CDH2: variants seen among roughly 807,000 people sequenced by gnomAD.
CDH2 encodes the protein cadherin-2.
In CDH2, 17 loss-of-function variants were observed where a neutral mutation model predicts 92.0. The observed-to-expected ratio is 0.18, with a 90% CI of 0.13 to 0.28. The LOEUF is 0.28. CDH2 is among the 10% of genes least tolerant of loss of function. The pLI, the probability that CDH2 is intolerant of heterozygous loss-of-function variation, is 1.00. For missense variants in CDH2, 862 were observed against 1,133.1 expected (o/e 0.76, Z 3.44); for synonymous variants, 419 against 415.9 (o/e 1.01, Z -0.09).
chr18:27,979,062 T>C (rs946111103), intron 14 of CDH2, among the ~76,000 whole-genome samples: 33 of 151,840 alleles, frequency 2.2e-4, no homozygotes, highest in Non-Finnish European at 3.1e-4. Flanking sequence ...AAAGACCCAT[T>C]AAGAGAATAA....
chr18:28,066,283 A>C (rs1232934970), intron 2 of CDH2, among the ~76,000 whole-genome samples: 2 of 152,238 alleles, frequency 1.3e-5, no homozygotes, highest in Non-Finnish European at 2.9e-5. Context: ...AATTAATTAC[A>C]TATAAACTTC....
intron 14 of CDH2, among the ~76,000 whole-genome samples, chr18:27,980,040 G>C (rs986180794): frequency 2.0e-5 from 3 of 152,196 alleles, no homozygotes; most frequent in African/African-American, 7.2e-5. Context: ...CTAACTGAAT[G>C]AAAATATAGA....
chr18:28,024,467 A>G (rs1445773474), intron 2 of CDH2, among the ~76,000 whole-genome samples: 1 of 150,012 alleles, frequency 6.7e-6, no homozygotes, highest in Admixed American at 6.7e-5. Flanking sequence ...AAGTAAGTAT[A>G]TGTATTTAAA....
intron 2 of CDH2, among the ~76,000 whole-genome samples, chr18:28,014,372 T>G (rs1159962472): frequency 6.6e-6 from 1 of 152,174 alleles, no homozygotes; most frequent in Admixed American, 6.6e-5. Flanking sequence ...AGAGGCAGTT[T>G]GGGGCAAATG....
At chr18:28,160,343 G>A (rs995554366) in intron 1 of CDH2, among the ~76,000 whole-genome samples, 1 of 152,082 alleles carries the variant, frequency 6.6e-6, no homozygotes, top group Admixed American at 6.5e-5. Context: ...CAGGACTCTG[G>A]AAGTGCTGAG....
At position 27,951,944 on chromosome 18, in the gene CDH2, A is replaced by C. The variant is rs1909475936; in HGVS notation, c.*209T>G. On this transcript the variant is annotated 3_prime_UTR_variant, in exon 16 of 16. Transcript: ENST00000269141. Reference sequence around the variant, plus strand: ...AATCCCAGTGCTTCTGTACTGTAAAATTCAAGTGTAACTGAGCTCAGTGTT... The same window carrying C: ...AATCCCAGTGCTTCTGTACTGTAAACTTCAAGTGTAACTGAGCTCAGTGTT... 1.7e-6 allele frequency: 1 copy of C among 575,816 alleles called. No individual in the cohort carries two copies. Among genetic ancestry groups the C allele is most frequent in the Admixed American group, 3.0e-5 (1 of 33,298 alleles). 35.7% of individuals were successfully genotyped at this position (575,816 alleles called of 1,614,324 possible).
intron 1 of CDH2, among the ~76,000 whole-genome samples, chr18:28,168,223 A>G (rs922953588): frequency 6.6e-6 from 1 of 152,156 alleles, no homozygotes; most frequent in Non-Finnish European, 1.5e-5. Context: ...AGGTCAAGTT[A>G]CAAGTAAAAT....
intron 2 of CDH2, among the ~76,000 whole-genome samples, chr18:28,066,596 T>C (rs928700693): frequency 1.6e-4 from 25 of 152,152 alleles, no homozygotes; most frequent in African/African-American, 5.8e-4. Flanking sequence ...TTTTACTAAT[T>C]CTCTTTTTAG....
Position 27,988,590 on chromosome 18 carries a change from A to C in CDH2, c.1675T>G (p.Leu559Val). The change falls in exon 11 of 16, where the codon TTG becomes GTG. Residue 559 changes from leucine (L) to valine (V), a missense_variant. Physicochemically the swap from Leu to Val is conservative, Grantham distance 32. Transcript: ENST00000269141. ...VNGQITTIAV[L>V]DRESPNVKNN... The stretch of plus-strand genomic sequence containing the variant: ...TTCACATTTGGTGATTCTCGGTCCA[A>C]AACAGCAATTGTAGTTATTTGTCCA... 1 of 1,611,494 alleles carries C rather than the reference A, an allele frequency of 6.2e-7. No individual in the cohort carries two copies. The highest frequency in any genetic ancestry group is 1.1e-5 in the South Asian group (1 of 91,010).
At chr18:28,134,877 C>A (rs1421048686) in intron 2 of CDH2, among the ~76,000 whole-genome samples, 1 of 152,060 alleles carries the variant, frequency 6.6e-6, no homozygotes, top group Non-Finnish European at 1.5e-5. Context: ...ACTTTAAAAA[C>A]CCAGATAAGC....
Position 27,951,991 on chromosome 18 carries a change from T to G in CDH2, c.*162A>C. On this transcript the variant is annotated 3_prime_UTR_variant, in exon 16 of 16. Coordinates refer to ENST00000269141, the MANE Select transcript of CDH2 (RefSeq NM_001792.5). ...TGTTTTTCCAAACAGTATGGATCAC[T>G]GATATTCCCTCTGAGCCCAAATTGG... 1.6e-6 allele frequency: 1 copy of G among 638,584 alleles called. No homozygotes were observed. Among genetic ancestry groups the G allele is most frequent in the South Asian group, 1.8e-5 (1 of 54,406 alleles). The allele number at this position is 638,584 out of a possible 1,614,324, so 39.6% of individuals were successfully genotyped here.
chr18:28,004,916 T>G (rs1475313880), intron 6 of CDH2, among the ~76,000 whole-genome samples: 1 of 152,198 alleles, frequency 6.6e-6, no homozygotes, highest in African/African-American at 2.4e-5. Flanking sequence ...TGAGGCATAG[T>G]TGGTTATATC....
At chr18:28,158,961 A>C (rs1351461735) in intron 1 of CDH2, among the ~76,000 whole-genome samples, 1 of 152,234 alleles carries the variant, frequency 6.6e-6, no homozygotes, top group Non-Finnish European at 1.5e-5. Flanking sequence ...CAACTGGTTT[A>C]ATATTTTAAG....
chr18:28,051,518 T>A (rs2014190584), intron 2 of CDH2, among the ~76,000 whole-genome samples: 1 of 152,194 alleles, frequency 6.6e-6, no homozygotes, highest in Non-Finnish European at 1.5e-5. Flanking sequence ...GATGACAGAC[T>A]CCTTGTCAGA....
intron 2 of CDH2, among the ~76,000 whole-genome samples, chr18:28,035,604 C>T (rs1027494520): frequency 1.3e-5 from 2 of 151,866 alleles, no homozygotes; most frequent in African/African-American, 4.8e-5. Context: ...AAAAAGGAGA[C>T]GTATGTAACA....
chr18:28,169,056 C>T (rs960035494), intron 1 of CDH2, among the ~76,000 whole-genome samples: 1 of 152,200 alleles, frequency 6.6e-6, no homozygotes, highest in African/African-American at 2.4e-5. Flanking sequence ...CATAGAGTTA[C>T]AGAAACAATG....
intron 2 of CDH2, among the ~76,000 whole-genome samples, chr18:28,089,335 G>GA (rs1046876659): frequency 4.6e-5 from 7 of 152,160 alleles, no homozygotes; most frequent in African/African-American, 1.7e-4. Context: ...AACTACAACA[G>GA]AAAAATCAAA....
chr18:27,989,215 A>T (rs1344958127), intron 10 of CDH2, among the ~76,000 whole-genome samples: 1 of 152,214 alleles, frequency 6.6e-6, no homozygotes, highest in Non-Finnish European at 1.5e-5. Flanking sequence ...TTGCAAAGAA[A>T]GTCCTACAGT....
At chr18:27,999,843 G>A (rs1263979618) in intron 7 of CDH2, among the ~76,000 whole-genome samples, 5 of 151,882 alleles carry the variant, frequency 3.3e-5, no homozygotes, top group African/African-American at 7.2e-5. Flanking sequence ...GGGCGGAACC[G>A]GGTGGAGGTA....
Sources: gnomAD v4.1 joint callset for allele counts (sites outside exome capture counted in the v4.1 genomes callset) on GRCh38, gnomAD v4.1.1 for gene constraint, MANE v1.5 for transcripts, NCBI Gene and HGNC (gene_info 2026-07-23, HGNC 2026-07-21) for gene names.